The following IGSF11 variants were observed in gnomAD, a reference collection of about 807,000 sequenced individuals.
The protein encoded by IGSF11 is immunoglobulin superfamily member 11.
A neutral mutation model predicts 41.0 loss-of-function variants in IGSF11; 22 were observed. The observed-to-expected ratio is 0.54, with a 90% CI of 0.38 to 0.77. The LOEUF (loss-of-function observed/expected upper bound fraction) is 0.77, where lower values mean the gene tolerates loss of function less well. Ranked by LOEUF, IGSF11 falls within the 30% of genes least tolerant of loss-of-function variation. The pLI is 0.00. For synonymous variants in IGSF11, 219 were observed against 201.3 expected (o/e 1.09, Z -0.74); for missense variants, 444 against 530.8 (o/e 0.84, Z 1.61).
chr3:118,982,266 A>G (rs778249736), intron 1 of IGSF11, among the ~76,000 whole-genome samples: 7 of 152,340 alleles, frequency 4.6e-5, no homozygotes, highest in East Asian at 1.9e-4. Flanking sequence ...GCAACTCTCC[A>G]GAGAGAGACC....
chr3:119,064,293 G>T (rs1196793136), intron 1 of IGSF11, among the ~76,000 whole-genome samples: 2 of 152,106 alleles, frequency 1.3e-5, no homozygotes, highest in African/African-American at 2.4e-5. Flanking sequence ...AGCATCATTT[G>T]TTTAAAAAGG....
intron 1 of IGSF11, among the ~76,000 whole-genome samples, chr3:119,013,636 G>A (rs752005237): frequency 2.0e-5 from 3 of 152,298 alleles, no homozygotes; most frequent in East Asian, 1.9e-4. Flanking sequence ...AGATTCTGGC[G>A]ACACAACAGG....
chr3:118,956,555 G>A (rs1335605377), intron 1 of IGSF11, among the ~76,000 whole-genome samples: 1 of 152,262 alleles, frequency 6.6e-6, no homozygotes, highest in East Asian at 1.9e-4. Flanking sequence ...AGGACAGAGG[G>A]GAGAAAGACA....
rs2107741634 is a variant in IGSF11 at position 119,034,786 on chromosome 3, G to A, written c.-204C>T. 2.3e-6 allele frequency: 3 copies of A among 1,304,222 alleles called. No homozygotes were observed. The highest frequency in any genetic ancestry group is 4.4e-5 in the South Asian group (2 of 45,772). 80.8% of individuals were successfully genotyped at this position (1,304,222 alleles called of 1,614,324 possible). A position where few individuals can be genotyped will look rare whatever the true frequency, so the allele number is the denominator to read the frequency against. ...AGCGCCGCCCGGCTCCGCGGACGCT[G>A]AGCTGTGACCAGAGGCGTTCCGGGC... is the stretch of plus-strand genomic sequence containing the variant. On this transcript the variant is annotated 5_prime_UTR_variant, in exon 1 of 7. Transcript: ENST00000393775.
At chr3:118,935,140 T>C (rs1400327316) in intron 1 of IGSF11, among the ~76,000 whole-genome samples, 1 of 151,282 alleles carries the variant, frequency 6.6e-6, no homozygotes, top group Non-Finnish European at 1.5e-5. Context: ...CTGTATGGTC[T>C]AAGAAAGCAC....
rs1273095792 is a variant in IGSF11 at position 119,003,442 on chromosome 3, T to A, written c.52+31089A>T. On this transcript the variant is annotated intron_variant, in intron 1 of 6. Transcript: ENST00000393775. ...AAACAGGGACAATTTGACTTCCTCT[T>A]TTCCTAATTGAATACCTTTTATTTC... 2.0e-5 allele frequency among the ~76,000 whole-genome samples: 3 copies of A among 150,750 alleles called. 1 individual carries two copies. Among genetic ancestry groups the A allele is most frequent in the African/African-American group, 5.0e-5 (2 of 40,162 alleles).
chr3:119,139,446 T>C (rs1000691219), intron 1 of IGSF11, among the ~76,000 whole-genome samples: 4 of 152,204 alleles, frequency 2.6e-5, no homozygotes, highest in Non-Finnish European at 5.9e-5. Flanking sequence ...TGGGAAATAA[T>C]TGAATCACAG....
At chr3:119,128,220 G>A (rs943991363) in intron 1 of IGSF11, among the ~76,000 whole-genome samples, 6 of 152,076 alleles carry the variant, frequency 3.9e-5, no homozygotes, top group Non-Finnish European at 4.4e-5. Flanking sequence ...TCAGCTGGGT[G>A]TGGTGGCAGG....
chr3:119,052,130 G>T (rs1163468639), intron 1 of IGSF11, among the ~76,000 whole-genome samples: 3 of 151,982 alleles, frequency 2.0e-5, no homozygotes, highest in African/African-American at 7.3e-5. Flanking sequence ...ACAAATATCA[G>T]AGCAGAACTA....
chr3:118,996,188 T>C (rs1420581628), intron 1 of IGSF11, among the ~76,000 whole-genome samples: 4 of 152,206 alleles, frequency 2.6e-5, no homozygotes, highest in Admixed American at 6.5e-5. Flanking sequence ...ATTCCCAAAA[T>C]TGAACTCTCT....
At chr3:118,963,337 T>C (rs752684572) in intron 1 of IGSF11, among the ~76,000 whole-genome samples, 16 of 152,192 alleles carry the variant, frequency 1.1e-4, no homozygotes, top group Non-Finnish European at 1.6e-4. Flanking sequence ...GGATTGTCTC[T>C]CTCTGACAAT....
intron 1 of IGSF11, among the ~76,000 whole-genome samples, chr3:119,009,222 G>A (rs1005173797): frequency 6.6e-6 from 1 of 152,072 alleles, no homozygotes; most frequent in Admixed American, 6.6e-5. Context: ...TTGAAATTCT[G>A]TTACCCAAGC....
At chr3:118,987,613 CA>C (rs1935386887) in intron 1 of IGSF11, among the ~76,000 whole-genome samples, 1 of 152,196 alleles carries the variant, frequency 6.6e-6, no homozygotes, top group Non-Finnish European at 1.5e-5. Flanking sequence ...GGCTACGATT[CA>C]GGGACACCAG....
chr3:118,993,419 T>C (rs969163871), intron 1 of IGSF11, among the ~76,000 whole-genome samples: 27 of 152,242 alleles, frequency 1.8e-4, no homozygotes, highest in African/African-American at 6.3e-4. Flanking sequence ...GTGGAGAATG[T>C]AAAAGAGTGC....
chr3:119,059,706 TC>T (rs1441399784), intron 1 of IGSF11, among the ~76,000 whole-genome samples: 1 of 152,054 alleles, frequency 6.6e-6, no homozygotes, highest in Non-Finnish European at 1.5e-5. Flanking sequence ...ATCAAGACCT[TC>T]TTCGAATGTT....
At chr3:119,118,132 C>A (rs946320873) in intron 1 of IGSF11, among the ~76,000 whole-genome samples, 1 of 152,190 alleles carries the variant, frequency 6.6e-6, no homozygotes, top group African/African-American at 2.4e-5. Flanking sequence ...AGGATGGTGG[C>A]CCTCTTCTCA....
intron 1 of IGSF11, among the ~76,000 whole-genome samples, chr3:119,063,294 A>G (rs1340015031): frequency 1.3e-5 from 2 of 152,238 alleles, no homozygotes; most frequent in Admixed American, 6.5e-5. Flanking sequence ...CCCCGAAGAC[A>G]TAATTCCTCT....
chr3:118,947,159 TAG>T (rs957267754), intron 1 of IGSF11: 4 of 152,214 alleles, frequency 2.6e-5, no homozygotes, highest in Non-Finnish European at 5.9e-5. Flanking sequence ...CCCTAAGAAC[TAG>T]AGAGGGAGCC....
chr3:118,977,656 G>A (rs959038095), intron 1 of IGSF11, among the ~76,000 whole-genome samples: 1 of 152,134 alleles, frequency 6.6e-6, no homozygotes, highest in African/African-American at 2.4e-5. Context: ...TGTGGAGAAC[G>A]GGTGAGAGAC....
Sources: allele counts gnomAD v4.1 joint callset (sites outside exome capture counted in the v4.1 genomes callset), GRCh38; gene constraint gnomAD v4.1.1; transcripts MANE v1.5; gene names NCBI Gene and HGNC (gene_info 2026-07-23, HGNC 2026-07-21).